Variants in CNTN1 observed in about 807,000 individuals in gnomAD.
CNTN1 encodes the protein contactin 1.
In CNTN1, 38 loss-of-function variants were observed where a neutral mutation model predicts 126.4. The ratio of observed to expected loss-of-function variants is 0.30; its 90% CI spans 0.23 to 0.39. CNTN1 has a LOEUF of 0.39. Ranked by LOEUF, CNTN1 falls within the 10% of genes least tolerant of loss-of-function variation. The probability of loss-of-function intolerance (pLI) is 1.00; values close to 1 mark genes in which losing one functional copy is unlikely to be tolerated. For synonymous variants in CNTN1, 413 were observed against 422.6 expected (o/e 0.98, Z 0.28); for missense variants, 1,009 against 1,248.4 (o/e 0.81, Z 2.89).
At chr12:41,005,358 A>C (rs1396782889) in intron 17 of CNTN1, among the ~76,000 whole-genome samples, 2 of 152,080 alleles carry the variant, frequency 1.3e-5, no homozygotes, top group Admixed American at 6.5e-5. Flanking sequence ...AGCTGTCTTT[A>C]GCATTTTTTC....
chr12:40,778,008 A>T lies in CNTN1; in HGVS notation c.-77+85416A>T, dbSNP rs2136444375. Among the ~76,000 whole-genome samples the T allele has an allele frequency of 2.0e-5, 3 of 152,010 alleles. No homozygotes were observed. The South Asian group carries it at 6.2e-4, about 32-fold the overall frequency. On this transcript the variant is annotated intron_variant, in intron 1 of 23. Coordinates refer to ENST00000551295, the MANE Select transcript of CNTN1 (RefSeq NM_001843.4). The stretch of plus-strand genomic sequence containing the variant: ...CTTACGCTAATGTAAAGGGGCAATG[A>T]AAACACTGTTGGTTTTAACATTTCA...
intron 15 of CNTN1, among the ~76,000 whole-genome samples, chr12:40,967,896 A>G (rs144989309): frequency 2.2e-4 from 33 of 150,890 alleles, no homozygotes; most frequent in Non-Finnish European, 4.1e-4. Flanking sequence ...ATAATTATAT[A>G]ATTTAATATA....
chr12:40,770,157 A>T (rs1285691285), intron 1 of CNTN1, among the ~76,000 whole-genome samples: 1 of 152,096 alleles, frequency 6.6e-6, no homozygotes, highest in African/African-American at 2.4e-5. Flanking sequence ...TAAAGCAATC[A>T]ACTTTTTTTA....
intron 14 of CNTN1, among the ~76,000 whole-genome samples, chr12:40,956,082 A>G (rs1041215146): frequency 2.0e-5 from 3 of 152,140 alleles, no homozygotes; most frequent in African/African-American, 7.2e-5. Flanking sequence ...CATGGGTTAT[A>G]TGTACTTGCT....
chr12:40,718,668 T>C (rs185734981), intron 1 of CNTN1, among the ~76,000 whole-genome samples: 2 of 152,076 alleles, frequency 1.3e-5, no homozygotes, highest in Non-Finnish European at 1.5e-5. Context: ...CTAAATAGAG[T>C]CCTCACATGG....
intron 14 of CNTN1, among the ~76,000 whole-genome samples, chr12:40,945,149 C>A (rs1354532851): frequency 3.3e-5 from 5 of 152,008 alleles, no homozygotes; most frequent in Admixed American, 1.3e-4. Context: ...AATACTCTTT[C>A]AGTTTCTGAA....
chr12:41,045,534 C>A (rs1949522693), intron 23 of CNTN1, among the ~76,000 whole-genome samples: 1 of 151,992 alleles, frequency 6.6e-6, no homozygotes, highest in South Asian at 2.1e-4. Context: ...GCCTTTAATG[C>A]CATAGTAAGA....
At chr12:41,031,998 A>T (rs1156306617) in intron 23 of CNTN1, among the ~76,000 whole-genome samples, 2 of 152,154 alleles carry the variant, frequency 1.3e-5, no homozygotes, top group Non-Finnish European at 2.9e-5. Context: ...ATAACACACT[A>T]CTAGATCTTA....
At chr12:40,887,349 C>T (rs547180851) in intron 1 of CNTN1, among the ~76,000 whole-genome samples, 5 of 152,102 alleles carry the variant, frequency 3.3e-5, no homozygotes, top group East Asian at 1.9e-4. Flanking sequence ...AAAAAGTGGG[C>T]GAAGGATGTG....
Position 40,924,633 on chromosome 12 carries a change from C to A in CNTN1, c.477C>A (p.Asp159Glu), listed in dbSNP as rs769899922. The A allele has an allele frequency of 4.4e-6, 7 of 1,592,890 alleles. No homozygotes were observed. The highest frequency in any genetic ancestry group is 1.7e-5 in the Admixed American group (1 of 59,846). ...GGAAAGGAATGGTGCTTCTCTGTGA[C>A]CCCCCATACCATTTTCCAGGTAAAC... ...KEGKGMVLLC[D>E]PPYHFPDDLS... The change falls in exon 6 of 24, where the codon GAC becomes GAA. Residue 159 changes from aspartate to glutamate, a missense_variant. Coordinates refer to ENST00000551295, the MANE Select transcript of CNTN1 (RefSeq NM_001843.4).
At chr12:40,769,193 A>T (rs1027122635) in intron 1 of CNTN1, among the ~76,000 whole-genome samples, 3 of 152,000 alleles carry the variant, frequency 2.0e-5, no homozygotes, top group East Asian at 1.9e-4. Context: ...AACATGCTTT[A>T]AAAAAAACAT....
intron 1 of CNTN1, among the ~76,000 whole-genome samples, chr12:40,708,168 C>T (rs1565627979): frequency 6.6e-6 from 1 of 152,114 alleles, no homozygotes; most frequent in Non-Finnish European, 1.5e-5. Context: ...ACCACTAAGA[C>T]TCTCTATTAA....
chr12:40,776,292 T>G (rs1305915099), intron 1 of CNTN1, among the ~76,000 whole-genome samples: 3 of 151,672 alleles, frequency 2.0e-5, no homozygotes, highest in Admixed American at 1.3e-4. Context: ...AAGATAAAAG[T>G]AAAGCCTTTA....
intron 16 of CNTN1, among the ~76,000 whole-genome samples, chr12:40,983,902 A>G (rs1045655109): frequency 6.9e-6 from 1 of 145,418 alleles, no homozygotes; most frequent in Admixed American, 7.0e-5. Context: ...AGCATATTTT[A>G]TTATATGCTA....
At chr12:40,784,257 T>G (rs1939917686) in intron 1 of CNTN1, among the ~76,000 whole-genome samples, 1 of 152,152 alleles carries the variant, frequency 6.6e-6, no homozygotes, top group Admixed American at 6.6e-5. Context: ...GGATTTAAAA[T>G]GTGAAACTTG....
At chr12:40,813,050 TCTTTCTTTCTTCCTTC>T (rs1941133684) in intron 1 of CNTN1, among the ~76,000 whole-genome samples, 3 of 131,980 alleles carry the variant, frequency 2.3e-5, no homozygotes, top group Non-Finnish European at 3.2e-5. Context: ...TTTCTTTCTT[TCTTTCTTTCTTCCTTC>T]CTTCCTTCCT....
At chr12:41,022,460 C>CT (rs1398104770) in intron 20 of CNTN1, among the ~76,000 whole-genome samples, 1 of 152,150 alleles carries the variant, frequency 6.6e-6, no homozygotes, top group Non-Finnish European at 1.5e-5. Flanking sequence ...TTGATTTGAA[C>CT]TTTGAGTTTC....
At chr12:40,878,998 T>C (rs951320250) in intron 1 of CNTN1, among the ~76,000 whole-genome samples, 1 of 152,156 alleles carries the variant, frequency 6.6e-6, no homozygotes, top group Non-Finnish European at 1.5e-5. Context: ...AAAATTATAA[T>C]ATTACAAAAA....
chr12:40,886,977 AG>A (rs1359329599), intron 1 of CNTN1, among the ~76,000 whole-genome samples: 1 of 152,094 alleles, frequency 6.6e-6, no homozygotes, highest in Non-Finnish European at 1.5e-5. Context: ...GTAGCCTTGT[AG>A]TGTAGTTTGA....
Sources: allele counts gnomAD v4.1 joint callset (sites outside exome capture counted in the v4.1 genomes callset), GRCh38; gene constraint gnomAD v4.1.1; transcripts MANE v1.5; gene names NCBI Gene and HGNC (gene_info 2026-07-23, HGNC 2026-07-21).